Variants in FBXL17 observed in about 807,000 individuals in gnomAD.
The protein encoded by FBXL17 is F-box/LRR-repeat protein 17.
A neutral mutation model predicts 66.2 loss-of-function variants in FBXL17; 22 were observed. The observed-to-expected ratio is 0.33, with a 90% CI of 0.24 to 0.47. FBXL17 has a LOEUF of 0.47. Ranked by LOEUF, FBXL17 falls within the 20% of genes least tolerant of loss-of-function variation. The probability of loss-of-function intolerance (pLI) is 1.00; values close to 1 mark genes in which losing one functional copy is unlikely to be tolerated. For synonymous variants in FBXL17, 474 were observed against 400.5 expected (o/e 1.18, Z -2.19); for missense variants, 878 against 948.2 (o/e 0.93, Z 0.97).
chr5:108,096,986 A>G (rs1749393185), intron 6 of FBXL17, among the ~76,000 whole-genome samples: 1 of 152,208 alleles, frequency 6.6e-6, no homozygotes, highest in African/African-American at 2.4e-5. Flanking sequence ...CTAAGGTTAT[A>G]CATATATTAA....
chr5:108,250,619 T>C (rs1756307843), intron 4 of FBXL17, among the ~76,000 whole-genome samples: 2 of 152,098 alleles, frequency 1.3e-5, no homozygotes, highest in Admixed American at 1.3e-4. Flanking sequence ...CAAACTCTAG[T>C]GGCATTTAAA....
Position 108,365,130 on chromosome 5 carries a change from C to T in FBXL17, c.1117-135G>A, listed in dbSNP as rs538514798. ...TGAACGATATAATCAAAAGAGAAAC[C>T]GTCTTAACATTGAAGCATAACAAGA... On this transcript the variant is annotated intron_variant, in intron 2 of 8. Transcript: ENST00000542267. 10 of 620,106 alleles carry T rather than the reference C, an allele frequency of 1.6e-5. 1 individual carries two copies. The highest frequency in any genetic ancestry group is 1.2e-4 in the South Asian group (5 of 42,612). The allele number at this position is 620,106 out of a possible 1,614,324, so 38.4% of individuals were successfully genotyped here. A position where few individuals can be genotyped will look rare whatever the true frequency, so the allele number is the denominator to read the frequency against.
At chr5:108,025,907 AT>A (rs1352773956) in intron 6 of FBXL17, among the ~76,000 whole-genome samples, 1 of 139,718 alleles carries the variant, frequency 7.2e-6, no homozygotes, top group African/African-American at 2.4e-5. Context: ...ACAATTTGGT[AT>A]CTTACAGAAA....
chr5:107,877,356 G>A (rs143140261), intron 8 of FBXL17, among the ~76,000 whole-genome samples: 3 of 152,238 alleles, frequency 2.0e-5, no homozygotes, highest in East Asian at 3.9e-4. Flanking sequence ...CAACGAATAC[G>A]TTTAACTTTT....
intron 7 of FBXL17, among the ~76,000 whole-genome samples, chr5:107,944,527 G>T (rs979277337): frequency 6.6e-5 from 10 of 152,090 alleles, no homozygotes; most frequent in African/African-American, 2.4e-4. Context: ...AATCAAATCT[G>T]CCCTTAAAGG....
chr5:107,988,022 C>T (rs1029591387), intron 7 of FBXL17, among the ~76,000 whole-genome samples: 13 of 151,902 alleles, frequency 8.6e-5, no homozygotes, highest in Admixed American at 2.6e-4. Flanking sequence ...TGTTTGAAAA[C>T]GAACACACAA....
chr5:107,967,111 C>T (rs1322547593), intron 7 of FBXL17, among the ~76,000 whole-genome samples: 2 of 152,086 alleles, frequency 1.3e-5, no homozygotes, highest in African/African-American at 2.4e-5. Context: ...TACCTTCCAT[C>T]AACTACACTA....
chr5:107,889,672 T>C (rs769315403), intron 7 of FBXL17, among the ~76,000 whole-genome samples: 9 of 152,200 alleles, frequency 5.9e-5, no homozygotes, highest in South Asian at 4.1e-4. Flanking sequence ...GCCTTATTTA[T>C]AGGTTGCATC....
intron 4 of FBXL17, chr5:108,299,706 T>C: frequency 1.0e-6 from 1 of 984,228 alleles, no homozygotes; most frequent in Non-Finnish European, 1.2e-6. Context: ...GCTTGTCCAG[T>C]AATGCCTGGG....
At chr5:108,080,886 T>C (rs76474611) in intron 6 of FBXL17, among the ~76,000 whole-genome samples, 18,262 of 152,160 alleles carry the variant, frequency 0.12, 1,358 homozygotes, top group East Asian at 0.17. Context: ...AAATAGATGC[T>C]AAATGTCTCT....
chr5:108,306,460 T>C (rs1216219515), intron 4 of FBXL17, among the ~76,000 whole-genome samples: 1 of 152,100 alleles, frequency 6.6e-6, no homozygotes, highest in Admixed American at 6.6e-5. Context: ...GTACCTGAAA[T>C]ATACTAGCTG....
intron 4 of FBXL17, chr5:108,298,948 A>C: frequency 1.0e-6 from 1 of 953,668 alleles, no homozygotes; most frequent in South Asian, 4.8e-5. Context: ...ATTTACTTTC[A>C]GTTTCATATA....
At chr5:107,928,562 A>T (rs1380888647) in intron 7 of FBXL17, among the ~76,000 whole-genome samples, 1 of 152,146 alleles carries the variant, frequency 6.6e-6, no homozygotes, top group Non-Finnish European at 1.5e-5. Context: ...ATTACTTCTA[A>T]GTAATCTTAT....
intron 6 of FBXL17, among the ~76,000 whole-genome samples, chr5:108,166,395 C>T (rs1752417511): frequency 6.6e-6 from 1 of 152,168 alleles, no homozygotes; most frequent in South Asian, 2.1e-4. Flanking sequence ...AACACATGCT[C>T]CAGGGAGACA....
At chr5:108,351,826 C>T (rs1167383837) in intron 3 of FBXL17, among the ~76,000 whole-genome samples, 1 of 152,176 alleles carries the variant, frequency 6.6e-6, no homozygotes, top group African/African-American at 2.4e-5. Context: ...TACATATCAA[C>T]AGAAGGAATA....
At chr5:107,994,624 G>A (rs1049959374) in intron 7 of FBXL17, among the ~76,000 whole-genome samples, 3 of 152,068 alleles carry the variant, frequency 2.0e-5, no homozygotes, top group African/African-American at 7.2e-5. Flanking sequence ...TGGATTATGA[G>A]GTCAGGAGTT....
At chr5:108,142,733 A>G (rs879418108) in intron 6 of FBXL17, among the ~76,000 whole-genome samples, 1 of 152,098 alleles carries the variant, frequency 6.6e-6, no homozygotes. Context: ...GGAGTCCCCA[A>G]CATATTAGGA....
chr5:108,111,892 C>A (rs1222463936), intron 6 of FBXL17, among the ~76,000 whole-genome samples: 9 of 152,206 alleles, frequency 5.9e-5, no homozygotes, highest in Non-Finnish European at 1.3e-4. Flanking sequence ...CATGTTAGCA[C>A]TCTGTCATAA....
intron 7 of FBXL17, among the ~76,000 whole-genome samples, chr5:107,997,336 T>C (rs1753519137): frequency 6.6e-6 from 1 of 152,176 alleles, no homozygotes. Flanking sequence ...CTAACTTATA[T>C]GTAAAATTGA....
Sources: gnomAD v4.1 joint callset for allele counts (sites outside exome capture counted in the v4.1 genomes callset) on GRCh38, gnomAD v4.1.1 for gene constraint, MANE v1.5 for transcripts, NCBI Gene and HGNC (gene_info 2026-07-23, HGNC 2026-07-21) for gene names.